Variants in ADGRV1 observed in about 807,000 individuals in gnomAD.
ADGRV1 encodes G-protein coupled receptor 98.
ADGRV1 carries 359 observed loss-of-function variants against 596.2 expected under a neutral mutation model. The ratio of observed to expected loss-of-function variants is 0.60; its 90% CI spans 0.55 to 0.66. The LOEUF (loss-of-function observed/expected upper bound fraction) is 0.66. ADGRV1 is among the 30% of genes least tolerant of loss of function. ADGRV1 has a pLI of 0.00. For missense variants in ADGRV1, 7,274 were observed against 7,575.6 expected (o/e 0.96, Z 1.48); for synonymous variants, 2,681 against 2,679.2 (o/e 1.00, Z -0.02).
intron 83 of ADGRV1, among the ~76,000 whole-genome samples, chr5:90,934,277 T>C (rs1347403774): frequency 6.6e-6 from 1 of 152,194 alleles, no homozygotes; most frequent in East Asian, 1.9e-4. Context: ...TCATTCTGCT[T>C]ATAATTGATG....
chr5:90,844,443 T>C (rs957003789), intron 78 of ADGRV1, among the ~76,000 whole-genome samples: 5 of 152,216 alleles, frequency 3.3e-5, no homozygotes, highest in Non-Finnish European at 7.3e-5. Flanking sequence ...TTTAAATGCC[T>C]CACTATAAAG....
intron 43 of ADGRV1, 103 bp from the exon 44 acceptor site, chr5:90,719,945 A>G: frequency 1.2e-6 from 1 of 855,718 alleles, no homozygotes; most frequent in East Asian, 2.4e-5. Flanking sequence ...GATATTTTTC[A>G]AAACATGCTA....
chr5:91,100,794 ATAGAATGCTG>A (rs1791310835), intron 86 of ADGRV1, among the ~76,000 whole-genome samples: 1 of 152,254 alleles, frequency 6.6e-6, no homozygotes, highest in Admixed American at 6.5e-5. Context: ...GCGTCACCTT[ATAGAATGCTG>A]TAAGATGAAC....
chr5:90,791,125 C>T lies in ADGRV1; in HGVS notation c.14296C>T (p.Leu4766=). ...TGATGACCCACATGGAGTATTTGCCCTGTATTCGGATCGCCAGTCAATACT... is the reference window on the plus strand; with the variant it reads ...TGATGACCCACATGGAGTATTTGCCTTGTATTCGGATCGCCAGTCAATACT... ...ANDDPHGVFA[L]YSDRQSILIG... is the part of the protein sequence containing the mutation. Residue 4766 remains leucine, a synonymous_variant, in exon 70 of 90, where the codon CTG becomes TTG. Coordinates refer to ENST00000405460, the MANE Select transcript of ADGRV1 (RefSeq NM_032119.4). 6.2e-7 allele frequency: 1 copy of T among 1,613,860 alleles called. No individual in the cohort carries two copies.
chr5:91,028,736 T>G (rs1784227896), intron 85 of ADGRV1, among the ~76,000 whole-genome samples: 1 of 147,448 alleles, frequency 6.8e-6, no homozygotes. Context: ...GACTCTGTTT[T>G]TTTTTTTTTT....
chr5:90,872,544 GTCT>G (rs1768795387), intron 83 of ADGRV1, among the ~76,000 whole-genome samples: 1 of 151,926 alleles, frequency 6.6e-6, no homozygotes, highest in Non-Finnish European at 1.5e-5. Flanking sequence ...TAGAGCACTG[GTCT>G]TGTGAAAATA....
chr5:90,983,102 T>A (rs1360839699), intron 84 of ADGRV1, among the ~76,000 whole-genome samples: 1 of 152,252 alleles, frequency 6.6e-6, no homozygotes, highest in Admixed American at 6.5e-5. Context: ...TCAGTGATCA[T>A]ATTCTTTTAA....
At chr5:90,620,368 T>G (rs1161148338) in intron 4 of ADGRV1, among the ~76,000 whole-genome samples, 2 of 152,240 alleles carry the variant, frequency 1.3e-5, no homozygotes, top group Non-Finnish European at 2.9e-5. Context: ...TGAGCATTTC[T>G]TCATGTGTTT....
At chr5:90,964,596 C>G (rs72656680) in intron 83 of ADGRV1, among the ~76,000 whole-genome samples, 18,345 of 152,072 alleles carry the variant, frequency 0.12, 1,716 homozygotes, top group East Asian at 0.26. Context: ...TTGCTCATTA[C>G]TCAGCAAGTA....
chr5:90,732,469 A>C (rs910765677), intron 50 of ADGRV1, among the ~76,000 whole-genome samples: 1 of 152,172 alleles, frequency 6.6e-6, no homozygotes. Context: ...TTTTGATGAA[A>C]ACACTTAAAA....
chr5:90,922,793 A>G (rs1014739230), intron 83 of ADGRV1, among the ~76,000 whole-genome samples: 1 of 152,232 alleles, frequency 6.6e-6, no homozygotes, highest in African/African-American at 2.4e-5. Context: ...ACTAGTTCCC[A>G]TACGATCTGG....
intron 60 of ADGRV1, among the ~76,000 whole-genome samples, chr5:90,775,552 C>T (rs948855035): frequency 6.6e-6 from 1 of 152,162 alleles, no homozygotes; most frequent in African/African-American, 2.4e-5. Context: ...TCACAGATTC[C>T]TGCAGCCTTG....
chr5:90,648,197 T>C (rs1377440546), intron 17 of ADGRV1, among the ~76,000 whole-genome samples: 1 of 152,166 alleles, frequency 6.6e-6, no homozygotes, highest in Non-Finnish European at 1.5e-5. Context: ...CTTCAACTGT[T>C]TGATAATTCT....
intron 83 of ADGRV1, among the ~76,000 whole-genome samples, chr5:90,887,056 G>A (rs554209532): frequency 2.0e-5 from 3 of 152,218 alleles, no homozygotes; most frequent in Admixed American, 6.5e-5. Context: ...GATGTCATGC[G>A]TGTCCTCTAT....
At chr5:90,681,902 C>T (rs967280760) in intron 27 of ADGRV1, among the ~76,000 whole-genome samples, 1 of 144,368 alleles carries the variant, frequency 6.9e-6, no homozygotes, top group Non-Finnish European at 1.5e-5. Context: ...GAGTTTCGCT[C>T]TTGTTGCCCA....
At chr5:90,870,632 A>C (rs1034888149) in intron 83 of ADGRV1, among the ~76,000 whole-genome samples, 2 of 152,230 alleles carry the variant, frequency 1.3e-5, no homozygotes, top group Admixed American at 1.3e-4. Flanking sequence ...AATGGATAGG[A>C]AGAAAATGGA....
At chr5:90,699,300 T>C (rs935478522) in intron 34 of ADGRV1, among the ~76,000 whole-genome samples, 2 of 152,172 alleles carry the variant, frequency 1.3e-5, no homozygotes. Flanking sequence ...AAAACACAAA[T>C]CCCTGTCCTT....
intron 82 of ADGRV1, among the ~76,000 whole-genome samples, chr5:90,858,575 T>C (rs1767252133): frequency 1.3e-5 from 2 of 152,124 alleles, no homozygotes; most frequent in Non-Finnish European, 2.9e-5. Flanking sequence ...CTCAAACTCC[T>C]GGACTCAAGC....
intron 87 of ADGRV1, among the ~76,000 whole-genome samples, chr5:91,145,590 G>A (rs1243621970): frequency 6.6e-6 from 1 of 150,580 alleles, no homozygotes; most frequent in Non-Finnish European, 1.5e-5. Flanking sequence ...GATGTCCTTT[G>A]CACATGAAAC....
Sources: gnomAD v4.1 joint callset for allele counts (sites outside exome capture counted in the v4.1 genomes callset) on GRCh38, gnomAD v4.1.1 for gene constraint, MANE v1.5 for transcripts, NCBI Gene and HGNC (gene_info 2026-07-23, HGNC 2026-07-21) for gene names.